NFYC: variants seen among roughly 807,000 people sequenced by gnomAD.
The protein encoded by NFYC is nuclear transcription factor Y subunit gamma.
Under a neutral mutation model 53.1 loss-of-function variants are expected in NFYC, and 25 were observed. The ratio of observed to expected loss-of-function variants is 0.47; its 90% confidence interval spans 0.34 to 0.66. The LOEUF (loss-of-function observed/expected upper bound fraction) is 0.66. NFYC is among the 30% of genes least tolerant of loss of function. The probability of loss-of-function intolerance (pLI) is 0.01; values close to 1 mark genes in which losing one functional copy is unlikely to be tolerated. For missense variants in NFYC, 260 were observed against 422.7 expected (o/e 0.62, Z 3.38); for synonymous variants, 145 against 152.6 (o/e 0.95, Z 0.37).
intron 8 of NFYC, chr1:40,767,220 C>A: frequency 2.0e-6 from 1 of 495,114 alleles, no homozygotes; most frequent in Non-Finnish European, 3.7e-6. Flanking sequence ...CCTCCCTGGG[C>A]TTGGGGGTGT....
intron 1 of NFYC, among the ~76,000 whole-genome samples, chr1:40,722,201 A>T (rs559208999): frequency 5.9e-5 from 9 of 151,964 alleles, no homozygotes; most frequent in Admixed American, 1.3e-4. Flanking sequence ...TAATTAATTT[A>T]AAAAAAGAAT....
At chr1:40,750,577 A>G (rs915616835) in intron 4 of NFYC, among the ~76,000 whole-genome samples, 2 of 145,844 alleles carry the variant, frequency 1.4e-5, no homozygotes, top group African/African-American at 2.4e-5. Flanking sequence ...ACATTACTAT[A>G]TGAAAGTTTT....
At chr1:40,731,530 G>C (rs199943856) in intron 1 of NFYC, among the ~76,000 whole-genome samples, 1 of 147,514 alleles carries the variant, frequency 6.8e-6, no homozygotes, top group Non-Finnish European at 1.5e-5. Context: ...CTGTTGCCAG[G>C]CTCTAGTGCA....
chr1:40,694,613 C>G (rs1045593238), intron 1 of NFYC, among the ~76,000 whole-genome samples: 2 of 152,048 alleles, frequency 1.3e-5, no homozygotes, highest in Non-Finnish European at 2.9e-5. Context: ...TTTAGTAAGA[C>G]TAGACAAGGT....
At chr1:40,698,027 T>C (rs1406322635) in intron 1 of NFYC, among the ~76,000 whole-genome samples, 2 of 152,188 alleles carry the variant, frequency 1.3e-5, no homozygotes, top group African/African-American at 4.8e-5. Context: ...AATCTTTGCA[T>C]TTGAATGTTT....
At chr1:40,744,629 T>C (rs946284907) in intron 2 of NFYC, among the ~76,000 whole-genome samples, 1 of 152,224 alleles carries the variant, frequency 6.6e-6, no homozygotes, top group Non-Finnish European at 1.5e-5. Flanking sequence ...AGTTCTTTGG[T>C]AGTGGTCAGG....
At chr1:40,731,484 T>G (rs1016519511) in intron 1 of NFYC, among the ~76,000 whole-genome samples, 5 of 150,428 alleles carry the variant, frequency 3.3e-5, no homozygotes, top group Non-Finnish European at 5.9e-5. Flanking sequence ...TTCTTTTTCT[T>G]TTTCTTTTGG....
intron 1 of NFYC, chr1:40,721,651 T>G (rs1644331513): frequency 6.6e-6 from 1 of 152,304 alleles, no homozygotes; most frequent in Admixed American, 6.5e-5. Flanking sequence ...GTCTCCCAGC[T>G]CCTCGGCTCA....
chr1:40,762,726 T>G (rs1241577376), intron 6 of NFYC, among the ~76,000 whole-genome samples, 162 bp from the exon 7 acceptor site: 1 of 152,228 alleles, frequency 6.6e-6, no homozygotes, highest in South Asian at 2.1e-4. Flanking sequence ...TCAGCAATGC[T>G]GTAAACCCAG....
intron 1 of NFYC, among the ~76,000 whole-genome samples, chr1:40,699,917 T>C (rs369605234): frequency 1.7e-4 from 26 of 152,328 alleles, no homozygotes; most frequent in African/African-American, 6.0e-4. Flanking sequence ...TTGGTGCTTA[T>C]TTGCCTATGA....
intron 4 of NFYC, 30 bp downstream of exon 4, chr1:40,749,716 TG>T (rs769906021): frequency 1.3e-5 from 20 of 1,567,992 alleles, no homozygotes; most frequent in Non-Finnish European, 1.8e-5. Context: ...TTAGGAAAAC[TG>T]GGGTAAGCAG....
At chr1:40,729,927 C>T (rs991260377) in intron 1 of NFYC, among the ~76,000 whole-genome samples, 10 of 152,102 alleles carry the variant, frequency 6.6e-5, no homozygotes, top group Non-Finnish European at 1.0e-4. Flanking sequence ...CCACCCGCCT[C>T]GGCCTCCCAA....
At chr1:40,756,844 G>A (rs1646252460) in intron 5 of NFYC, among the ~76,000 whole-genome samples, 2 of 152,234 alleles carry the variant, frequency 1.3e-5, no homozygotes, top group Non-Finnish European at 1.5e-5. Flanking sequence ...ATAGCAGAGA[G>A]CAAGAGAGAG....
chr1:40,731,687 T>C (rs1644780480), intron 1 of NFYC, among the ~76,000 whole-genome samples: 2 of 152,028 alleles, frequency 1.3e-5, no homozygotes, highest in Non-Finnish European at 2.9e-5. Context: ...GGTTTCACCA[T>C]GTTGGCCAGG....
At chr1:40,740,032 A>G (rs1431331959) in intron 2 of NFYC, among the ~76,000 whole-genome samples, 4 of 152,060 alleles carry the variant, frequency 2.6e-5, no homozygotes, top group Non-Finnish European at 4.4e-5. Flanking sequence ...GGAAGGTGAG[A>G]CAGGTTAGAG....
intron 1 of NFYC, among the ~76,000 whole-genome samples, chr1:40,694,545 T>C (rs983590899): frequency 4.6e-5 from 7 of 152,246 alleles, no homozygotes; most frequent in African/African-American, 1.7e-4. Flanking sequence ...CTCATTTGGC[T>C]CAGTCATCAA....
rs1034063168 is a variant in NFYC at position 40,766,783 on chromosome 1, C to T, written c.828+80C>T. The T allele has an allele frequency of 1.5e-5, 22 of 1,505,766 alleles. No homozygotes were observed. The African/African-American group carries it at 2.6e-4, about 18-fold the overall frequency. The allele number at this position is 1,505,766 out of a possible 1,614,324, so 93.3% of individuals were successfully genotyped here. A position where few individuals can be genotyped will look rare whatever the true frequency, so the allele number is the denominator to read the frequency against. On this transcript the variant is annotated intron_variant, in intron 8 of 9. Coordinates refer to ENST00000447388, the MANE Select transcript of NFYC (RefSeq NM_014223.5). ...TGACAGGAAAGGAGCGCTCAGCACA[C>T]AGCTGTCTTGCCACCTCATCCTTCA...
chr1:40,706,264 C>CT (rs1643688384), intron 1 of NFYC, among the ~76,000 whole-genome samples: 1 of 151,998 alleles, frequency 6.6e-6, no homozygotes, highest in African/African-American at 2.4e-5. Context: ...GAACCTCACT[C>CT]TTTCTCACTG....
intron 2 of NFYC, among the ~76,000 whole-genome samples, chr1:40,744,062 A>G (rs934452076): frequency 5.3e-5 from 8 of 152,164 alleles, no homozygotes; most frequent in African/African-American, 1.9e-4. Flanking sequence ...CCTGTTAGGA[A>G]CCTAGGAACT....
Sources: gnomAD v4.1 joint callset for allele counts (sites outside exome capture counted in the v4.1 genomes callset) on GRCh38, gnomAD v4.1.1 for gene constraint, MANE v1.5 for transcripts, NCBI Gene and HGNC (gene_info 2026-07-23, HGNC 2026-07-21) for gene names.